BTBD9: variants seen among roughly 807,000 people sequenced by gnomAD.
BTBD9 encodes the protein BTB/POZ domain-containing protein 9.
In BTBD9, 49 loss-of-function variants were observed where a neutral mutation model predicts 64.3. That is an observed-to-expected ratio of 0.76 (90% confidence interval 0.61 to 0.97). The LOEUF is 0.97. BTBD9 is among the 50% of genes least tolerant of loss of function. The probability of loss-of-function intolerance (pLI) is 0.00; values close to 1 mark genes in which losing one functional copy is unlikely to be tolerated. For synonymous variants in BTBD9, 260 were observed against 274.7 expected (o/e 0.95, Z 0.53); for missense variants, 598 against 762.1 (o/e 0.78, Z 2.53).
At chr6:38,332,793 T>C (rs1353290575) in intron 7 of BTBD9, among the ~76,000 whole-genome samples, 1 of 152,216 alleles carries the variant, frequency 6.6e-6, no homozygotes, top group African/African-American at 2.4e-5. Flanking sequence ...ATATTAAATT[T>C]TCCTATCCAG....
chr6:38,628,842 T>C (rs6925790), intron 1 of BTBD9, among the ~76,000 whole-genome samples: 9,556 of 152,182 alleles, frequency 0.063, 716 homozygotes, highest in East Asian at 0.23. Flanking sequence ...TGTTTCTAAA[T>C]ATAATTTTCT....
chr6:38,355,788 A>G (rs1764704667), intron 6 of BTBD9, among the ~76,000 whole-genome samples: 1 of 152,156 alleles, frequency 6.6e-6, no homozygotes. Flanking sequence ...CCTGTGTTAA[A>G]CAGCCTGCAC....
At chr6:38,361,193 G>A (rs1582292717) in intron 6 of BTBD9, among the ~76,000 whole-genome samples, 1 of 152,120 alleles carries the variant, frequency 6.6e-6, no homozygotes, top group Non-Finnish European at 1.5e-5. Context: ...GTAGCTAGGG[G>A]GTGGGGACTA....
chr6:38,504,819 G>C (rs1772389560), intron 6 of BTBD9, among the ~76,000 whole-genome samples: 1 of 152,146 alleles, frequency 6.6e-6, no homozygotes, highest in Admixed American at 6.5e-5. Context: ...GTAAATTGTG[G>C]TAGAAGCATC....
intron 6 of BTBD9, among the ~76,000 whole-genome samples, chr6:38,436,419 A>T (rs1277697213): frequency 8.2e-6 from 1 of 121,442 alleles, no homozygotes; most frequent in African/African-American, 3.3e-5. Flanking sequence ...CTTGTTGCCC[A>T]GGCTGGAGGG....
intron 7 of BTBD9, among the ~76,000 whole-genome samples, chr6:38,306,209 T>G (rs1440175684): frequency 6.6e-6 from 1 of 152,262 alleles, no homozygotes; most frequent in African/African-American, 2.4e-5. Flanking sequence ...GGGACTGAGC[T>G]TTCTGCTCTA....
At chr6:38,536,913 T>C (rs1012968055) in intron 6 of BTBD9, among the ~76,000 whole-genome samples, 5 of 151,998 alleles carry the variant, frequency 3.3e-5, no homozygotes, top group South Asian at 4.2e-4. Context: ...GACAGCACAA[T>C]AGGGTGACTA....
At chr6:38,350,010 C>T (rs773491746) in intron 6 of BTBD9, among the ~76,000 whole-genome samples, 9 of 152,164 alleles carry the variant, frequency 5.9e-5, no homozygotes, top group Non-Finnish European at 1.2e-4. Context: ...AGTATCTTCT[C>T]CCTTCCTCCA....
At chr6:38,192,237 G>A (rs1762102523) in intron 10 of BTBD9, among the ~76,000 whole-genome samples, 1 of 152,176 alleles carries the variant, frequency 6.6e-6, no homozygotes, top group African/African-American at 2.4e-5. Flanking sequence ...AGAGACAAGG[G>A]ATGGGGTGTT....
chr6:38,526,613 T>A (rs1308570216), intron 6 of BTBD9, among the ~76,000 whole-genome samples: 1 of 152,232 alleles, frequency 6.6e-6, no homozygotes, highest in African/African-American at 2.4e-5. Flanking sequence ...ATGAAGGAGC[T>A]GTCCAAGACT....
chr6:38,267,192 C>T (rs1258963792), intron 8 of BTBD9, among the ~76,000 whole-genome samples: 2 of 152,240 alleles, frequency 1.3e-5, no homozygotes, highest in South Asian at 2.1e-4. Flanking sequence ...AAGGCTATTA[C>T]GGGCTGTTGT....
intron 7 of BTBD9, among the ~76,000 whole-genome samples, chr6:38,312,062 T>C (rs113503087): frequency 0.03 from 4,608 of 152,170 alleles, 220 homozygotes; most frequent in African/African-American, 0.1. Flanking sequence ...GGTTTCACTA[T>C]GTTGGTCAGG....
At chr6:38,429,149 C>T (rs1768321730) in intron 6 of BTBD9, among the ~76,000 whole-genome samples, 1 of 151,668 alleles carries the variant, frequency 6.6e-6, no homozygotes, top group East Asian at 1.9e-4. Flanking sequence ...TCATGGGCAT[C>T]ACTGATTCAA....
At chr6:38,583,789 T>C (rs996511308) in intron 4 of BTBD9, among the ~76,000 whole-genome samples, 8 of 152,180 alleles carry the variant, frequency 5.3e-5, no homozygotes, top group African/African-American at 1.9e-4. Context: ...CCTGAGAGTA[T>C]TTTTCACTTC....
intron 6 of BTBD9, among the ~76,000 whole-genome samples, chr6:38,527,213 T>C (rs1396375696): frequency 7.8e-6 from 1 of 128,756 alleles, no homozygotes; most frequent in African/African-American, 3.1e-5. Context: ...GAGTTAGAGG[T>C]TGCAATGAGC....
intron 6 of BTBD9, among the ~76,000 whole-genome samples, chr6:38,387,375 A>T (rs1351992528): frequency 6.6e-6 from 1 of 152,174 alleles, no homozygotes; most frequent in Non-Finnish European, 1.5e-5. Flanking sequence ...CGTCTCTACT[A>T]AAAATACAAA....
chr6:38,469,435 CAGCCTCCAGCGTA>C lies in BTBD9; in HGVS notation c.1154+108152_1154+108164del. ...CTGGGTTCCAGCAATTCTCCTGCTT[CAGCCTCCAGCGTA>C]GCTGGGACTTACAGGCACATGCCAC... On this transcript the variant is annotated intron_variant, in intron 6 of 10. Transcript: ENST00000481247. Among the ~76,000 whole-genome samples the C allele has an allele frequency of 2.7e-5, 4 of 150,698 alleles. No individual in the cohort carries two copies. The Admixed American group carries it at 2.7e-4, about 10-fold the overall frequency.
chr6:38,524,316 C>G (rs1176199908), intron 6 of BTBD9, among the ~76,000 whole-genome samples: 2 of 151,944 alleles, frequency 1.3e-5, no homozygotes, highest in African/African-American at 4.8e-5. Flanking sequence ...CAGGAAAAAA[C>G]TAATTATTAC....
chr6:38,357,599 A>G (rs1764777803), intron 6 of BTBD9, among the ~76,000 whole-genome samples: 1 of 152,194 alleles, frequency 6.6e-6, no homozygotes, highest in Non-Finnish European at 1.5e-5. Flanking sequence ...TTATTCCTGT[A>G]AAAATAAAAA....
Sources: gnomAD v4.1 joint callset for allele counts (sites outside exome capture counted in the v4.1 genomes callset) on GRCh38, gnomAD v4.1.1 for gene constraint, MANE v1.5 for transcripts, NCBI Gene and HGNC (gene_info 2026-07-23, HGNC 2026-07-21) for gene names.